The following SUSD6 variants were observed in gnomAD, a reference collection of about 807,000 sequenced individuals.
SUSD6 encodes sushi domain containing 6, also known as sushi domain-containing protein 6.
A neutral mutation model predicts 28.4 loss-of-function variants in SUSD6; 16 were observed. The observed-to-expected ratio is 0.56, with a 90% CI of 0.38 to 0.86. The LOEUF (loss-of-function observed/expected upper bound fraction) is 0.86. SUSD6 is among the 40% of genes least tolerant of loss of function. SUSD6 has a pLI of 0.00. For missense variants in SUSD6, 341 were observed against 384.2 expected (o/e 0.89, Z 0.94); for synonymous variants, 147 against 159.6 (o/e 0.92, Z 0.59).
rs1250569845 is a variant in SUSD6 at position 69,611,730 on chromosome 14, G to C, written c.-179G>C. The C allele has an allele frequency of 1.4e-5, 2 of 143,606 alleles. No individual in the cohort carries two copies. The highest frequency in any genetic ancestry group is 3.1e-5 in the Non-Finnish European group (2 of 65,290). The allele number at this position is 143,606 out of a possible 1,614,324, so 8.9% of individuals were successfully genotyped here. ...GCCAGAGCGAGCTAGACAAGGGCAC[G>C]CGGGGCCTCGCCTAGACCCGAGAAG... On this transcript the variant is annotated 5_prime_UTR_variant, in exon 1 of 6. Coordinates refer to ENST00000342745, the MANE Select transcript of SUSD6 (RefSeq NM_014734.4).
intron 1 of SUSD6, among the ~76,000 whole-genome samples, chr14:69,633,035 C>G (rs1885217609): frequency 6.6e-6 from 1 of 152,154 alleles, no homozygotes; most frequent in Non-Finnish European, 1.5e-5. Flanking sequence ...GAAAAAAGCC[C>G]TATGTGTATG....
At chr14:69,691,652 C>G (rs932803866) in intron 2 of SUSD6, among the ~76,000 whole-genome samples, 3 of 152,182 alleles carry the variant, frequency 2.0e-5, no homozygotes, top group East Asian at 3.8e-4. Context: ...CCTGTGTGTT[C>G]TGGGCAGTGG....
chr14:69,667,502 G>A (rs1451800569), intron 2 of SUSD6, among the ~76,000 whole-genome samples: 2 of 149,068 alleles, frequency 1.3e-5, no homozygotes, highest in African/African-American at 2.5e-5. Context: ...TCAGCCTCCC[G>A]AGTAGCTGGG....
chr14:69,642,628 C>T (rs914544783), intron 1 of SUSD6, among the ~76,000 whole-genome samples: 9 of 151,664 alleles, frequency 5.9e-5, no homozygotes, highest in African/African-American at 9.7e-5. Flanking sequence ...GACCAGCACC[C>T]GTGATTCAAT....
chr14:69,708,617 T>A, intron 4 of SUSD6, 60 bp from the exon 5 acceptor site: 2 of 1,366,384 alleles, frequency 1.5e-6, no homozygotes, highest in Non-Finnish European at 2.0e-6. Context: ...ATTATTATCA[T>A]GCCTGTTTCT....
At chr14:69,647,859 C>T (rs1364977421) in intron 1 of SUSD6, among the ~76,000 whole-genome samples, 1 of 152,092 alleles carries the variant, frequency 6.6e-6, no homozygotes, top group Non-Finnish European at 1.5e-5. Flanking sequence ...GTGGCGCACA[C>T]CTGTACTTCT....
chr14:69,612,460 C>T (rs1292105608), intron 1 of SUSD6, among the ~76,000 whole-genome samples: 2 of 152,148 alleles, frequency 1.3e-5, no homozygotes, highest in African/African-American at 2.4e-5. Context: ...ACAGACTTTC[C>T]TTTTTTCGCT....
At chr14:69,652,936 C>T (rs1047004166) in intron 1 of SUSD6, among the ~76,000 whole-genome samples, 3 of 152,188 alleles carry the variant, frequency 2.0e-5, no homozygotes, top group African/African-American at 7.2e-5. Context: ...AGACAATAAA[C>T]ATAAGCCCCA....
intron 1 of SUSD6, among the ~76,000 whole-genome samples, chr14:69,647,411 G>C (rs1205419921): frequency 6.6e-6 from 1 of 152,136 alleles, no homozygotes; most frequent in Non-Finnish European, 1.5e-5. Flanking sequence ...TGGTGGAGTG[G>C]GGGTGGGGTT....
intron 1 of SUSD6, among the ~76,000 whole-genome samples, 176 bp from the exon 2 acceptor site, chr14:69,658,337 C>T (rs1885614549): frequency 6.6e-6 from 1 of 152,044 alleles, no homozygotes; most frequent in Admixed American, 6.6e-5. Flanking sequence ...GCCTTGTTTC[C>T]CCAGGGAGGA....
intron 2 of SUSD6, among the ~76,000 whole-genome samples, chr14:69,659,809 T>C (rs1375431119): frequency 2.0e-5 from 3 of 152,196 alleles, no homozygotes; most frequent in Non-Finnish European, 2.9e-5. Context: ...GTCAGCCACG[T>C]GCTCGGCCCA....
chr14:69,694,775 T>C (rs1002175998), intron 2 of SUSD6, among the ~76,000 whole-genome samples: 22 of 152,168 alleles, frequency 1.4e-4, no homozygotes, highest in African/African-American at 5.3e-4. Flanking sequence ...GGCTGGCATT[T>C]TCCCTCTCCT....
chr14:69,706,815 G>A (rs1260893801), intron 4 of SUSD6, among the ~76,000 whole-genome samples: 1 of 152,118 alleles, frequency 6.6e-6, no homozygotes, highest in African/African-American at 2.4e-5. Flanking sequence ...GCCAAGAGCA[G>A]GTGAGGAAAT....
chr14:69,677,613 T>C (rs1885932166), intron 2 of SUSD6, among the ~76,000 whole-genome samples: 1 of 151,282 alleles, frequency 6.6e-6, no homozygotes, highest in Non-Finnish European at 1.5e-5. Flanking sequence ...CAGATGACTG[T>C]TTTGCAGAGG....
At chr14:69,669,156 C>G (rs1239802380) in intron 2 of SUSD6, among the ~76,000 whole-genome samples, 1 of 150,130 alleles carries the variant, frequency 6.7e-6, no homozygotes, top group Non-Finnish European at 1.5e-5. Context: ...CTCCACCTCC[C>G]AGGTTCAAAC....
rs747534804 is a variant in SUSD6 at position 69,709,062 on chromosome 14, A to G, written c.844A>G (p.Ile282Val). 3 of 1,612,336 alleles carry G rather than the reference A, an allele frequency of 1.9e-6. No individual in the cohort carries two copies. The highest frequency in any genetic ancestry group is 1.3e-5 in the African/African-American group (1 of 74,868). The change falls in exon 5 of 6, where the codon ATA (isoleucine) becomes GTA (valine). Residue 282 changes from isoleucine to valine, a missense_variant. Physicochemically the swap from Ile to Val is conservative, Grantham distance 29. Coordinates refer to ENST00000342745, the MANE Select transcript of SUSD6 (RefSeq NM_014734.4). ...AACTGCAGATTCAGAGAACAGTGAC[A>G]TACAAAGCCTTTTATCCCTCACGTC... is the stretch of plus-strand genomic sequence containing the variant. Reference protein sequence around the residue: ...KETADSENSDIQSLLSLTSEE... With the variant: ...KETADSENSDVQSLLSLTSEE...
chr14:69,669,271 C>G (rs867100902), intron 2 of SUSD6, among the ~76,000 whole-genome samples: 1 of 151,932 alleles, frequency 6.6e-6, no homozygotes, highest in Non-Finnish European at 1.5e-5. Context: ...ACCATGTTGG[C>G]CAGGATGGTC....
At chr14:69,648,698 T>G (rs750130581) in intron 1 of SUSD6, among the ~76,000 whole-genome samples, 45 of 152,236 alleles carry the variant, frequency 3.0e-4, no homozygotes, top group Admixed American at 1.5e-3. Flanking sequence ...CATAACTGCA[T>G]CAGCCAGCTC....
intron 1 of SUSD6, among the ~76,000 whole-genome samples, chr14:69,657,580 T>G (rs1289613181): frequency 6.6e-6 from 1 of 151,768 alleles, no homozygotes; most frequent in Non-Finnish European, 1.5e-5. Flanking sequence ...GAGAAGGGGG[T>G]GTGTGTGTGT....
Sources: allele counts gnomAD v4.1 joint callset (sites outside exome capture counted in the v4.1 genomes callset), GRCh38; gene constraint gnomAD v4.1.1; transcripts MANE v1.5; gene names NCBI Gene and HGNC (gene_info 2026-07-23, HGNC 2026-07-21).